Variants in FOXN3 observed in about 807,000 individuals in gnomAD.
The protein encoded by FOXN3 is forkhead box protein N3.
A neutral mutation model predicts 38.4 loss-of-function variants in FOXN3; 7 were observed. The ratio of observed to expected loss-of-function variants is 0.18; its 90% CI spans 0.10 to 0.34. The LOEUF is 0.34. FOXN3 is among the 10% of genes least tolerant of loss of function. FOXN3 has a pLI of 1.00. For synonymous variants in FOXN3, 230 were observed against 242.2 expected (o/e 0.95, Z 0.47); for missense variants, 456 against 613.4 (o/e 0.74, Z 2.71).
chr14:89,285,714 T>C (rs539773108), intron 3 of FOXN3, among the ~76,000 whole-genome samples: 4 of 150,040 alleles, frequency 2.7e-5, no homozygotes, highest in South Asian at 4.2e-4. Flanking sequence ...GAAGGAGGAG[T>C]AGGGAGTTTA....
At chr14:89,565,926 C>T (rs1895338965) in intron 1 of FOXN3, among the ~76,000 whole-genome samples, 1 of 152,210 alleles carries the variant, frequency 6.6e-6, no homozygotes, top group Admixed American at 6.5e-5. Context: ...TTTTATTTCT[C>T]TAACCTGCTA....
Position 89,437,189 on chromosome 14 carries a change from AAC to A in FOXN3, c.-14-24701_-14-24700del, listed in dbSNP as rs200722123. On this transcript the variant is annotated intron_variant, in intron 1 of 6. Transcript: ENST00000345097. ...AACTCTGTCTCAAAAAACAAAACAAAACAAAAAAAAACAGTATGGCTTAATGT... is the reference window on the plus strand; with the variant it reads ...AACTCTGTCTCAAAAAACAAAACAAAAAAAAAAAACAGTATGGCTTAATGT... Among the ~76,000 whole-genome samples, 127 of 137,958 alleles carry A rather than the reference AAC, an allele frequency of 9.2e-4. 1 individual carries two copies. The highest frequency in any genetic ancestry group is 7.0e-3 in the East Asian group (25 of 3,590). The allele number at this position is 137,958 out of a possible 152,430, so 90.5% of individuals were successfully genotyped here.
chr14:89,523,431 A>T (rs770529398), intron 1 of FOXN3, among the ~76,000 whole-genome samples: 3 of 152,226 alleles, frequency 2.0e-5, no homozygotes, highest in Non-Finnish European at 4.4e-5. Flanking sequence ...ATTTACCAAG[A>T]CAGATCTCAT....
At chr14:89,524,370 T>C (rs1267207630) in intron 1 of FOXN3, among the ~76,000 whole-genome samples, 2 of 5,580 alleles carry the variant, frequency 3.6e-4, no homozygotes, top group Non-Finnish European at 4.4e-4. Context: ...AGACTCCATC[T>C]CAAAAAAAAA....
chr14:89,579,181 C>T (rs540306806), intron 1 of FOXN3, among the ~76,000 whole-genome samples: 1 of 141,190 alleles, frequency 7.1e-6, no homozygotes, highest in South Asian at 2.3e-4. Flanking sequence ...GACAAGGTCT[C>T]ACCCTGTCAC....
rs576883864 is a variant in FOXN3, at chr14:89,446,087, C to CAAAAAAAAAAAAAAAAAAAA, written c.-14-33617_-14-33598dup. On this transcript the variant is annotated intron_variant, in intron 1 of 6. Transcript: ENST00000345097. ...TGGGTAACAGAGCGAGACCCTGCCTCAAAAAAAAAAAAAAAAAAAAAAAAT... is the reference window on the plus strand; with the variant it reads ...TGGGTAACAGAGCGAGACCCTGCCTCAAAAAAAAAAAAAAAAAAAAAAAAAAAAAAAAAAAAAAAAAAAAT... Among the ~76,000 whole-genome samples the CAAAAAAAAAAAAAAAAAAAA allele has an allele frequency of 1.9e-3, 76 of 40,098 alleles. 2 individuals carry two copies. Among genetic ancestry groups the CAAAAAAAAAAAAAAAAAAAA allele is most frequent in the African/African-American group, 4.9e-3 (57 of 11,746 alleles). 26.3% of individuals were successfully genotyped at this position (40,098 alleles called of 152,430 possible).
In FOXN3 at chr14:89,429,470, T is replaced by C. The variant is rs1282917882; in HGVS notation, c.-14-16980A>G. On this transcript the variant is annotated intron_variant, in intron 1 of 6. Transcript: ENST00000345097. Reference sequence around the variant, plus strand: ...GCACAAAGGGAATCATACCCAGGAGTTGCTGGAAAAAGCTCATTTCATCCA... The same window carrying C: ...GCACAAAGGGAATCATACCCAGGAGCTGCTGGAAAAAGCTCATTTCATCCA... Among the ~76,000 whole-genome samples, 5 of 151,808 alleles carry C rather than the reference T, an allele frequency of 3.3e-5. No individual in the cohort carries two copies. The South Asian group carries it at 6.2e-4, about 19-fold the overall frequency.
At chr14:89,611,678 T>G in intron 1 of FOXN3, among the ~76,000 whole-genome samples, 1 of 152,012 alleles carries the variant, frequency 6.6e-6, no homozygotes, top group Middle Eastern at 3.4e-3. Context: ...TGGCAGCGGG[T>G]GCCTGTAGTC....
intron 3 of FOXN3, among the ~76,000 whole-genome samples, chr14:89,330,527 T>G (rs1294747227): frequency 6.6e-6 from 1 of 152,090 alleles, no homozygotes; most frequent in Admixed American, 6.5e-5. Flanking sequence ...GAATTGCCAT[T>G]TGCAGGGAGC....
chr14:89,402,299 T>C (rs1443068338), intron 2 of FOXN3, among the ~76,000 whole-genome samples: 2 of 152,242 alleles, frequency 1.3e-5, no homozygotes, highest in Admixed American at 6.5e-5. Flanking sequence ...ACCAATGCAA[T>C]GTAAAGTTTT....
intron 4 of FOXN3, among the ~76,000 whole-genome samples, chr14:89,244,824 G>T (rs1380161620): frequency 6.6e-6 from 1 of 152,158 alleles, no homozygotes; most frequent in Non-Finnish European, 1.5e-5. Flanking sequence ...AAGCTAGAGG[G>T]CTCCTTAGAA....
At chr14:89,552,195 T>A (rs1488712466) in intron 1 of FOXN3, among the ~76,000 whole-genome samples, 1 of 152,206 alleles carries the variant, frequency 6.6e-6, no homozygotes, top group Non-Finnish European at 1.5e-5. Flanking sequence ...AAAGAGCATC[T>A]GAAAAATCAC....
At chr14:89,421,694 T>G (rs1010234906), upstream of FOXN3, among the ~76,000 whole-genome samples, 4 of 149,394 alleles carry the variant, frequency 2.7e-5, no homozygotes, top group Non-Finnish European at 4.5e-5. Flanking sequence ...GCACGGCTAA[T>G]TTTTGTATTT....
At chr14:89,237,039 C>G (rs1302675001) in intron 4 of FOXN3, among the ~76,000 whole-genome samples, 1 of 152,198 alleles carries the variant, frequency 6.6e-6, no homozygotes, top group African/African-American at 2.4e-5. Flanking sequence ...TCAGGCCCCC[C>G]TCTGACACAT....
rs1449804491 is a variant in FOXN3, at chr14:89,158,480, G to C, written c.*3934C>G. 1.3e-5 allele frequency: 2 copies of C among 152,606 alleles called. No homozygotes were observed. The highest frequency in any genetic ancestry group is 4.8e-5 in the African/African-American group (2 of 41,442). The allele number at this position is 152,606 out of a possible 1,614,324, so 9.5% of individuals were successfully genotyped here. ...CCCAAGATTGAGACCTGCCACAATC[G>C]TTTTGGCCATGGTTTTCTCCAACCA... On this transcript the variant is annotated 3_prime_UTR_variant, in exon 6 of 6. Transcript: ENST00000557258.
Position 89,607,933 on chromosome 14 carries a change from C to T in FOXN3, c.-15+11095G>A, listed in dbSNP as rs554926129. 1.1e-3 allele frequency among the ~76,000 whole-genome samples: 164 copies of T among 151,954 alleles called. 1 individual carries two copies. Among genetic ancestry groups the T allele is most frequent in the Non-Finnish European group, 1.8e-3 (122 of 67,978 alleles). On this transcript the variant is annotated intron_variant, in intron 1 of 6. Transcript: ENST00000345097. ...CCGGGTTCAAGCGATTCTCCTGCCT[C>T]GGCCTCCCGAGTAGCTGGGACTACA...
intron 1 of FOXN3, among the ~76,000 whole-genome samples, chr14:89,560,733 G>A (rs930103355): frequency 2.0e-5 from 3 of 152,154 alleles, no homozygotes; most frequent in African/African-American, 7.2e-5. Context: ...AAGAAAATGT[G>A]TACTACAGGG....
chr14:89,423,797 C>G (rs1891968607), intron 1 of FOXN3, among the ~76,000 whole-genome samples: 1 of 152,190 alleles, frequency 6.6e-6, no homozygotes, highest in South Asian at 2.1e-4. Context: ...TATAACTTTT[C>G]AAGAGGACAG....
chr14:89,230,206 T>C (rs1475095273), intron 4 of FOXN3, among the ~76,000 whole-genome samples: 1 of 152,226 alleles, frequency 6.6e-6, no homozygotes, highest in East Asian at 1.9e-4. Flanking sequence ...AATCCCTCTA[T>C]GGAGGGATAA....
Sources: gnomAD v4.1 joint callset for allele counts (sites outside exome capture counted in the v4.1 genomes callset) on GRCh38, gnomAD v4.1.1 for gene constraint, MANE v1.5 for transcripts, NCBI Gene and HGNC (gene_info 2026-07-23, HGNC 2026-07-21) for gene names.